The following CASD1 variants were observed in gnomAD, a reference collection of about 807,000 sequenced individuals.
CASD1 encodes CAS1 domain sialic acid O acetyltransferase 1.
A neutral mutation model predicts 100.0 loss-of-function variants in CASD1; 41 were observed. The observed-to-expected ratio is 0.41, with a 90% CI of 0.32 to 0.53. The LOEUF (loss-of-function observed/expected upper bound fraction) is 0.53, where lower values mean the gene tolerates loss of function less well. Among genes scored for constraint, CASD1 ranks in the 20% least tolerant of loss-of-function variants. The probability of loss-of-function intolerance (pLI) is 0.25; values close to 1 mark genes in which losing one functional copy is unlikely to be tolerated. For synonymous variants in CASD1, 321 were observed against 315.6 expected, an observed-to-expected ratio of 1.02 and a Z score of -0.18; for missense variants, 774 against 948.7, an observed-to-expected ratio of 0.82 and a Z score of 2.42.
Position 94,535,490 on chromosome 7 carries a change from T to A in CASD1, c.810T>A (p.Asp270Glu). The change falls in exon 8 of 18, where the codon GAT becomes GAA. Residue 270 changes from aspartate to glutamate, a missense_variant. Asp to Glu is a conservative substitution (Grantham distance 45). Around this residue, in one of 5 missense-constraint regions of CASD1, gnomAD observed 453 missense variants for 532.6 expected, o/e 0.85. Coordinates refer to ENST00000297273, the MANE Select transcript of CASD1 (RefSeq NM_022900.5). ...IAQETIMESL[D>E]GLHLPESSRE... ...AAGAAACCATCATGGAATCTTTGGA[T>A]GGCTTACATCTTCCTGAATCGAGCA... 2 of 1,613,712 alleles carry A rather than the reference T, an allele frequency of 1.2e-6. 1 individual carries two copies. The highest frequency in any genetic ancestry group is 2.2e-5 in the South Asian group (2 of 91,060).
intron 5 of CASD1, among the ~76,000 whole-genome samples, chr7:94,532,712 C>T (rs1011853103): frequency 2.0e-5 from 3 of 152,028 alleles, no homozygotes; most frequent in African/African-American, 7.3e-5. Flanking sequence ...TATATTTTTC[C>T]ACATGTGGTC....
chr7:94,558,024 A>C (rs1796263293), downstream of CASD1, among the ~76,000 whole-genome samples: 2 of 152,096 alleles, frequency 1.3e-5, no homozygotes, highest in Admixed American at 6.6e-5. Context: ...AGGTTCTCTA[A>C]ATTCAGATTT....
At chr7:94,546,935 A>T (rs753191834) in intron 12 of CASD1, among the ~76,000 whole-genome samples, 161 bp from the exon 13 acceptor site, 5 of 151,798 alleles carry the variant, frequency 3.3e-5, no homozygotes, top group Non-Finnish European at 7.4e-5. Flanking sequence ...TTTTTGCCCT[A>T]CTTGTAATTT....
chr7:94,598,802 G>A, the CASD1 span: 3 of 1,612,964 alleles, frequency 1.9e-6, no homozygotes, highest in East Asian at 6.7e-5. Flanking sequence ...TGGCATGTTT[G>A]TGCTATCATA....
At chr7:94,550,872 T>C (rs978278239) in intron 14 of CASD1, among the ~76,000 whole-genome samples, 3 of 152,180 alleles carry the variant, frequency 2.0e-5, no homozygotes, top group Non-Finnish European at 2.9e-5. Context: ...AAAGCTCATG[T>C]ACTTTCCGGT....
At chr7:94,570,695 A>G in the CASD1 span, among the ~76,000 whole-genome samples, 1 of 152,052 alleles carries the variant, frequency 6.6e-6, no homozygotes, top group Non-Finnish European at 1.5e-5. Flanking sequence ...GGGTTTCACC[A>G]TGTTGGCCAG....
the CASD1 span, among the ~76,000 whole-genome samples, chr7:94,603,758 TTACTA>T: frequency 6.6e-6 from 1 of 152,058 alleles, no homozygotes; most frequent in African/African-American, 2.4e-5. Flanking sequence ...CATATTCTGA[TTACTA>T]TATTTAGTAA....
the CASD1 span, chr7:94,626,883 T>A: frequency 6.6e-6 from 1 of 152,036 alleles, no homozygotes; most frequent in East Asian, 1.9e-4. Flanking sequence ...CCAAGAGCTA[T>A]TTTTTCTTAT....
chr7:94,593,909 C>T, the CASD1 span, among the ~76,000 whole-genome samples: 1 of 152,004 alleles, frequency 6.6e-6, no homozygotes, highest in Admixed American at 6.6e-5. Context: ...CAGGAATTCT[C>T]AATCTTTGTT....
At chr7:94,541,076 G>C (rs1795369293) in intron 10 of CASD1, among the ~76,000 whole-genome samples, 2 of 151,858 alleles carry the variant, frequency 1.3e-5, no homozygotes, top group African/African-American at 4.8e-5. Flanking sequence ...TCTGTGTTCT[G>C]GAAGGACATG....
chr7:94,618,898 C>T, the CASD1 span: 1 of 1,614,020 alleles, frequency 6.2e-7, no homozygotes, highest in Non-Finnish European at 8.5e-7. Flanking sequence ...CACTGGCCAA[C>T]ATTTCTTCTA....
At chr7:94,565,175 A>T in the CASD1 span, among the ~76,000 whole-genome samples, 1 of 151,980 alleles carries the variant, frequency 6.6e-6, no homozygotes, top group Non-Finnish European at 1.5e-5. Context: ...AGCAACTCTG[A>T]CACTTATGTG....
the CASD1 span, among the ~76,000 whole-genome samples, chr7:94,562,734 G>A: frequency 6.6e-6 from 1 of 151,870 alleles, no homozygotes; most frequent in African/African-American, 2.4e-5. Flanking sequence ...TGGACCAGAT[G>A]TCAGGCTGCA....
the CASD1 span, chr7:94,625,833 A>G: frequency 6.6e-6 from 1 of 152,062 alleles, no homozygotes; most frequent in South Asian, 2.1e-4. Flanking sequence ...GTGTTGTGCT[A>G]TACAAATGTT....
At chr7:94,613,390 T>G in the CASD1 span, among the ~76,000 whole-genome samples, 1 of 152,210 alleles carries the variant, frequency 6.6e-6, no homozygotes, top group Non-Finnish European at 1.5e-5. Flanking sequence ...ATGAGAATGA[T>G]CTTTACCTTT....
chr7:94,587,419 T>A, the CASD1 span: 1 of 1,146,554 alleles, frequency 8.7e-7, no homozygotes, highest in Non-Finnish European at 1.1e-6. Context: ...TAATTAAGAA[T>A]CAGAAGATAG....
intron 8 of CASD1, among the ~76,000 whole-genome samples, chr7:94,536,296 A>T (rs1795116981): frequency 6.6e-6 from 1 of 152,216 alleles, no homozygotes. Flanking sequence ...ATTATTCAAG[A>T]TACAGAGTAC....
At chr7:94,564,637 A>T in the CASD1 span, among the ~76,000 whole-genome samples, 1 of 152,166 alleles carries the variant, frequency 6.6e-6, no homozygotes, top group African/African-American at 2.4e-5. Flanking sequence ...GTCCAACAGG[A>T]TGGATCCATG....
At chr7:94,541,552 T>TG (rs1795401613) in intron 10 of CASD1, among the ~76,000 whole-genome samples, 1 of 139,670 alleles carries the variant, frequency 7.2e-6, no homozygotes, top group Non-Finnish European at 1.6e-5. Context: ...TTTTTTTTTT[T>TG]TTTTTTTTTT....
Sources: gnomAD v4.1 joint callset for allele counts (sites outside exome capture counted in the v4.1 genomes callset) on GRCh38, gnomAD v4.1.1 for gene constraint, gnomAD v4.1.1 regional missense constraint, MANE v1.5 for transcripts, NCBI Gene and HGNC (gene_info 2026-07-23, HGNC 2026-07-21) for gene names.